Variants in ROBO2 observed in about 807,000 individuals in gnomAD.
ROBO2 encodes the protein roundabout homolog 2.
Under a neutral mutation model 160.8 loss-of-function variants are expected in ROBO2, and 53 were observed. The observed-to-expected ratio is 0.33, with a 90% confidence interval of 0.26 to 0.41. The LOEUF (loss-of-function observed/expected upper bound fraction) is 0.41, where lower values mean the gene tolerates loss of function less well. Ranked by LOEUF, ROBO2 falls within the 10% of genes least tolerant of loss-of-function variation. The probability of loss-of-function intolerance (pLI) is 1.00; values close to 1 mark genes in which losing one functional copy is unlikely to be tolerated. For synonymous variants in ROBO2, 664 were observed against 611.7 expected (o/e 1.09, Z -1.26); for missense variants, 1,577 against 1,722.4 (o/e 0.92, Z 1.49).
At position 77,373,812 on chromosome 3, in the gene ROBO2, G is replaced by T. The variant is rs767571420; in HGVS notation, c.389-103602G>T. ...GCTCTTGTCTGAGCCTGCAGTTGCT[G>T]TTTTCATTCACTCCCACAGGGGTGA... On this transcript the variant is annotated intron_variant, in intron 2 of 25. Transcript: ENST00000461745. 1.2e-3 allele frequency among the ~76,000 whole-genome samples: 177 copies of T among 146,994 alleles called. 1 individual carries two copies. The highest frequency in any genetic ancestry group is 3.6e-3 in the Middle Eastern group (1 of 274).
intron 2 of ROBO2, among the ~76,000 whole-genome samples, chr3:76,615,361 A>G (rs780788675): frequency 4.6e-5 from 7 of 152,156 alleles, no homozygotes; most frequent in East Asian, 3.9e-4. Flanking sequence ...CTGCACATCA[A>G]TTCATGGAAT....
At chr3:76,394,333 A>G (rs969126485) in intron 2 of ROBO2, among the ~76,000 whole-genome samples, 1 of 151,490 alleles carries the variant, frequency 6.6e-6, no homozygotes, top group African/African-American at 2.4e-5. Context: ...TGGTGACAAA[A>G]TCTCTCAGCA....
chr3:76,917,398 G>A (rs1271254531), intron 2 of ROBO2, among the ~76,000 whole-genome samples: 1 of 152,150 alleles, frequency 6.6e-6, no homozygotes, highest in African/African-American at 2.4e-5. Flanking sequence ...AAAAAATGAG[G>A]TTCTTCCTGA....
exon 20 of ROBO2, chr3:77,602,222 C>A (rs2094443101): frequency 6.2e-7 from 1 of 1,614,016 alleles, no homozygotes; most frequent in Non-Finnish European, 8.5e-7. Context: ...GTGCTGCCAC[C>A]AGTTCCAGGC....
chr3:77,613,453 T>A (rs2094696199), intron 21 of ROBO2, among the ~76,000 whole-genome samples: 1 of 152,194 alleles, frequency 6.6e-6, no homozygotes. Context: ...AAAGGACTCT[T>A]TTGTAGTAAG....
chr3:76,472,438 A>C (rs1282458600), intron 2 of ROBO2, among the ~76,000 whole-genome samples: 1 of 152,120 alleles, frequency 6.6e-6, no homozygotes, highest in Non-Finnish European at 1.5e-5. Context: ...TTTGTTACGC[A>C]AAGGAATGCC....
chr3:76,718,273 C>G (rs2093413455), intron 2 of ROBO2, among the ~76,000 whole-genome samples: 1 of 152,210 alleles, frequency 6.6e-6, no homozygotes, highest in Non-Finnish European at 1.5e-5. Context: ...TTGCTACCAT[C>G]CAGTTTAGCA....
intron 20 of ROBO2, among the ~76,000 whole-genome samples, chr3:77,604,642 T>C (rs544549167): frequency 3.9e-5 from 6 of 152,288 alleles, no homozygotes; most frequent in African/African-American, 1.4e-4. Flanking sequence ...AAGCATTCTT[T>C]AGTAGGTGAG....
At chr3:76,760,658 A>G (rs2608154) in intron 2 of ROBO2, among the ~76,000 whole-genome samples, 126,934 of 151,418 alleles carry the variant, frequency 0.84, 53,311 homozygotes, top group Admixed American at 0.86. Context: ...TTTTCTACGC[A>G]TACGTTGCAG....
At chr3:77,621,810 A>G (rs746458492) in intron 22 of ROBO2, among the ~76,000 whole-genome samples, 1 of 152,106 alleles carries the variant, frequency 6.6e-6, no homozygotes, top group Non-Finnish European at 1.5e-5. Flanking sequence ...TCTTTTCTTC[A>G]TAAGGGCCAG....
At chr3:76,839,454 T>A (rs2068019855) in intron 2 of ROBO2, among the ~76,000 whole-genome samples, 1 of 152,208 alleles carries the variant, frequency 6.6e-6, no homozygotes, top group South Asian at 2.1e-4. Flanking sequence ...TCTGTTGATG[T>A]GATGTACCAC....
intron 2 of ROBO2, among the ~76,000 whole-genome samples, chr3:77,237,411 TTG>T (rs71104662): frequency 0.032 from 4,183 of 131,060 alleles, 133 homozygotes; most frequent in South Asian, 0.085. Context: ...TTGTTTTGTT[TTG>T]TGTGTGTGTG....
intron 2 of ROBO2, among the ~76,000 whole-genome samples, chr3:76,328,931 T>C (rs1411007534): frequency 6.8e-6 from 1 of 146,004 alleles, no homozygotes; most frequent in East Asian, 2.0e-4. Context: ...TATATATATA[T>C]GTTATTAGTT....
intron 2 of ROBO2, among the ~76,000 whole-genome samples, chr3:76,400,274 C>T (rs2077737943): frequency 6.6e-6 from 1 of 151,606 alleles, no homozygotes; most frequent in Non-Finnish European, 1.5e-5. Context: ...TAACCGTTTT[C>T]ATTTCTGCCA....
rs892907885 is a variant in ROBO2 at position 76,589,535 on chromosome 3, G to T, written c.110-508479G>T. The stretch of plus-strand genomic sequence containing the variant: ...TCTAAATACTTCGGAGCATTGTGTT[G>T]CACAAGTAGAGACACACATGGCAAT... On this transcript the variant is annotated intron_variant, in intron 2 of 26. Coordinates refer to the ROBO2 transcript ENST00000487694. Among the ~76,000 whole-genome samples the T allele has an allele frequency of 4.6e-5, 7 of 152,092 alleles. 1 individual carries two copies. Among genetic ancestry groups the T allele is most frequent in the Middle Eastern group, 3.2e-3 (1 of 316 alleles).
intron 2 of ROBO2, among the ~76,000 whole-genome samples, chr3:76,717,611 G>T (rs1358421140): frequency 6.6e-6 from 1 of 152,136 alleles, no homozygotes; most frequent in Non-Finnish European, 1.5e-5. Flanking sequence ...GGTGCTTCAG[G>T]TAGGCGATCA....
At chr3:76,699,668 C>T (rs550588660) in intron 2 of ROBO2, among the ~76,000 whole-genome samples, 2 of 152,152 alleles carry the variant, frequency 1.3e-5, no homozygotes, top group Non-Finnish European at 2.9e-5. Flanking sequence ...TTTAAAAGCA[C>T]ATATCCTTTG....
chr3:76,847,370 C>T (rs900754523), intron 2 of ROBO2, among the ~76,000 whole-genome samples: 15 of 152,048 alleles, frequency 9.9e-5, no homozygotes, highest in Non-Finnish European at 2.2e-4. Context: ...TGGAACTACA[C>T]GTTATCAGCA....
intron 2 of ROBO2, among the ~76,000 whole-genome samples, chr3:76,151,993 A>G (rs1352177359): frequency 6.6e-6 from 1 of 152,220 alleles, no homozygotes; most frequent in Non-Finnish European, 1.5e-5. Flanking sequence ...TAAAATAAGC[A>G]TAAGACATCA....
Sources: allele counts gnomAD v4.1 joint callset (sites outside exome capture counted in the v4.1 genomes callset), GRCh38; gene constraint gnomAD v4.1.1; transcripts MANE v1.5; gene names NCBI Gene and HGNC (gene_info 2026-07-23, HGNC 2026-07-21).